The following TNRC6C variants were observed in gnomAD, a reference collection of about 807,000 sequenced individuals.
The protein encoded by TNRC6C is trinucleotide repeat-containing gene 6C protein.
Under a neutral mutation model 153.7 loss-of-function variants are expected in TNRC6C, and 20 were observed. The ratio of observed to expected loss-of-function variants is 0.13; its 90% CI spans 0.09 to 0.19. TNRC6C has a LOEUF of 0.19. Among genes scored for constraint, TNRC6C ranks in the 10% least tolerant of loss-of-function variants. The pLI is 1.00. For synonymous variants in TNRC6C, 811 were observed against 841.4 expected, an observed-to-expected ratio of 0.96 and a Z score of 0.63; for missense variants, 1,987 against 2,172.0, an observed-to-expected ratio of 0.91 and a Z score of 1.69.
intron 2 of TNRC6C, among the ~76,000 whole-genome samples, chr17:78,033,847 A>C (rs1362354585): frequency 6.6e-6 from 1 of 152,182 alleles, no homozygotes; most frequent in Non-Finnish European, 1.5e-5. Context: ...ATTTTATACC[A>C]ATTTCATCTC....
At chr17:78,088,783 A>C (rs925495096) in intron 13 of TNRC6C, among the ~76,000 whole-genome samples, 1 of 152,040 alleles carries the variant, frequency 6.6e-6, no homozygotes, top group African/African-American at 2.4e-5. Context: ...TAAAGTTCTT[A>C]AATAGTGCCT....
chr17:78,030,448 A>C (rs955240494), intron 1 of TNRC6C, among the ~76,000 whole-genome samples: 32 of 152,004 alleles, frequency 2.1e-4, no homozygotes, highest in African/African-American at 7.5e-4. Context: ...GACTGGCAGG[A>C]TGGTAGGTTT....
chr17:77,990,123 A>G (rs2071227622), intron 1 of TNRC6C, among the ~76,000 whole-genome samples: 1 of 152,104 alleles, frequency 6.6e-6, no homozygotes. Flanking sequence ...CCTCTCCCTT[A>G]TACCCATATC....
At position 78,049,422 on chromosome 17, in the gene TNRC6C, A is replaced by G. The variant is rs1232011468; in HGVS notation, c.360A>G (p.Thr120=). Reference sequence around the variant, plus strand: ...TTGGACATGAAGGAACCGTGGCGACAGGCAACCCTTCCAGTATTTGCAGTC... The same window carrying G: ...TTGGACATGAAGGAACCGTGGCGACGGGCAACCCTTCCAGTATTTGCAGTC... The change falls in exon 3 of 20, where the codon ACA becomes ACG. Residue 120 remains threonine, a synonymous_variant. Coordinates refer to ENST00000301624, the Ensembl canonical transcript of TNRC6C. The surrounding 1 kb of genome is among the most constrained non-coding windows in gnomAD (Gnocchi z 4.1). 1 of 1,613,914 alleles carries G rather than the reference A, an allele frequency of 6.2e-7. No individual in the cohort carries two copies. The highest frequency in any genetic ancestry group is 1.7e-5 in the Admixed American group (1 of 60,006).
chr17:78,076,286 AT>A (rs1473835925), intron 8 of TNRC6C, among the ~76,000 whole-genome samples: 2 of 151,832 alleles, frequency 1.3e-5, no homozygotes, highest in Non-Finnish European at 1.5e-5. Context: ...ATGGGACTTG[AT>A]CTTATTTTGA....
chr17:78,030,943 A>G (rs1288839339), intron 1 of TNRC6C, among the ~76,000 whole-genome samples: 2 of 152,084 alleles, frequency 1.3e-5, no homozygotes, highest in Non-Finnish European at 2.9e-5. Context: ...TACTAAAAAT[A>G]TAAAAAGTAT....
intron 9 of TNRC6C, 138 bp downstream of exon 11, chr17:78,077,472 C>A: frequency 9.0e-7 from 1 of 1,105,494 alleles, no homozygotes; most frequent in Non-Finnish European, 1.3e-6. Flanking sequence ...TGAAATACTA[C>A]CAGGATTTCC....
At chr17:77,973,913 A>G (rs2070962758) in intron 1 of TNRC6C, among the ~76,000 whole-genome samples, 1 of 152,098 alleles carries the variant, frequency 6.6e-6, no homozygotes, top group South Asian at 2.1e-4. Flanking sequence ...CTCTACCTAG[A>G]TTGATCTGTA....
At chr17:78,080,690 C>T (rs1386160210) in intron 10 of TNRC6C, among the ~76,000 whole-genome samples, 1 of 152,110 alleles carries the variant, frequency 6.6e-6, no homozygotes, top group African/African-American at 2.4e-5. Context: ...ACTCAGGGCT[C>T]TAGTTGATAC....
At chr17:78,065,515 C>A (rs908282814) in intron 4 of TNRC6C, among the ~76,000 whole-genome samples, 5 of 152,154 alleles carry the variant, frequency 3.3e-5, no homozygotes, top group African/African-American at 1.2e-4. Context: ...CCTGGTAATA[C>A]CCACACTACT....
At chr17:78,051,630 T>TC (rs2072538417) in intron 3 of TNRC6C, among the ~76,000 whole-genome samples, 182 bp downstream of exon 5, 1 of 152,100 alleles carries the variant, frequency 6.6e-6, no homozygotes. Flanking sequence ...CAAAGTAGGA[T>TC]CCTCTGGTGG....
Position 78,050,026 on chromosome 17 carries a change from AATAT to A in TNRC6C, c.965_968del (p.Asn322ThrfsTer17), listed in dbSNP as rs774199310. 1.6e-4 allele frequency: 254 copies of A among 1,613,310 alleles called. No individual in the cohort carries two copies. In the Admixed American group the frequency reaches 4.2e-3, roughly 26 times the overall value. Reference sequence around the variant, plus strand: ...GGGCAGTGGCAACAATGGCGTTGGTAATATCCATTCAGGAGCTTGGGGCCACCCC... The same window carrying A: ...GGGCAGTGGCAACAATGGCGTTGGTACCATTCAGGAGCTTGGGGCCACCCC... On this transcript the variant is annotated frameshift_variant, in exon 3 of 20. Coordinates refer to ENST00000301624, the Ensembl canonical transcript of TNRC6C. LOFTEE classifies it high-confidence loss of function.
chr17:78,030,912 A>C (rs556275205), intron 1 of TNRC6C, among the ~76,000 whole-genome samples: 6 of 152,204 alleles, frequency 3.9e-5, no homozygotes, highest in African/African-American at 1.4e-4. Context: ...CAGCCTGGCC[A>C]ACATGGTGAA....
rs1189685549 is a variant in TNRC6C, at chr17:78,049,449, A to C, written c.387A>C (p.Pro129=). The C allele has an allele frequency of 6.2e-7, 1 of 1,614,064 alleles. No individual in the cohort carries two copies. Among genetic ancestry groups the C allele is most frequent in the East Asian group, 2.2e-5 (1 of 44,884 alleles). ...GCAACCCTTCCAGTATTTGCAGTCC[A>C]GTCAGTGCCATAGGTCAAAATATGG... is the stretch of plus-strand genomic sequence containing the variant. Residue 129 remains proline, a synonymous_variant, in exon 3 of 20, where the codon CCA becomes CCC. Coordinates refer to ENST00000301624, the Ensembl canonical transcript of TNRC6C. This position sits in a 1 kb window ranked among gnomAD's most constrained non-coding sequence, Gnocchi z 4.1.
At chr17:78,050,796 A>G (rs2072513690) in exon 3 of TNRC6C, 1 of 1,611,094 alleles carries the variant, frequency 6.2e-7, no homozygotes, top group Admixed American at 1.7e-5. Context: ...CAAAGCCCAA[A>G]TCCCAACACT....
intron 3 of TNRC6C, among the ~76,000 whole-genome samples, chr17:78,061,678 C>T (rs1336131692): frequency 6.6e-6 from 1 of 152,128 alleles, no homozygotes; most frequent in Non-Finnish European, 1.5e-5. Flanking sequence ...GTAACAAGAC[C>T]CCATCTCTAT....
chr17:78,056,579 T>G (rs1453229440), intron 3 of TNRC6C, among the ~76,000 whole-genome samples: 1 of 152,020 alleles, frequency 6.6e-6, no homozygotes, highest in Non-Finnish European at 1.5e-5. Context: ...TTCTCGTGCC[T>G]CAGCCTCCCG....
In TNRC6C at chr17:78,079,291, GA is replaced by G; in HGVS notation, c.3211-101del. ...TACAAGTTGACAGTGGTAGGAAGTA[GA>G]AACAATTTTGCATTCACTTGAAATA... On this transcript the variant is annotated intron_variant, in intron 9 of 19. Transcript: ENST00000301624. This position sits in a 1 kb window ranked among gnomAD's most constrained non-coding sequence, Gnocchi z 4.3. 1 of 1,514,416 alleles carries G rather than the reference GA, an allele frequency of 6.6e-7. No homozygotes were observed. The highest frequency in any genetic ancestry group is 8.9e-7 in the Non-Finnish European group (1 of 1,117,672). The allele number at this position is 1,514,416 out of a possible 1,614,324, so 93.8% of individuals were successfully genotyped here. A position where few individuals can be genotyped will look rare whatever the true frequency, so the allele number is the denominator to read the frequency against.
At chr17:78,009,858 T>A (rs116750198) in intron 1 of TNRC6C, among the ~76,000 whole-genome samples, 182 of 144,954 alleles carry the variant, frequency 1.3e-3, no homozygotes, top group African/African-American at 4.7e-3. Flanking sequence ...TGGCCTGAAT[T>A]ATGATTTTTA....
Sources: allele counts gnomAD v4.1 joint callset (sites outside exome capture counted in the v4.1 genomes callset), GRCh38; gene constraint gnomAD v4.1.1; non-coding constraint Gnocchi (gnomAD v3.1); transcripts MANE v1.5; gene names NCBI Gene and HGNC (gene_info 2026-07-23, HGNC 2026-07-21).